Variants in GREB1 observed in about 807,000 individuals in gnomAD.
The protein encoded by GREB1 is protein GREB1.
Under a neutral mutation model 200.7 loss-of-function variants are expected in GREB1, and 106 were observed. The observed-to-expected ratio is 0.53, with a 90% CI of 0.45 to 0.62. The LOEUF is 0.62. Among genes scored for constraint, GREB1 ranks in the 20% least tolerant of loss-of-function variants. GREB1 has a pLI of 0.00. For missense variants in GREB1, 2,243 were observed against 2,556.8 expected, an observed-to-expected ratio of 0.88 and a Z score of 2.65; for synonymous variants, 1,132 against 1,092.4, an observed-to-expected ratio of 1.04 and a Z score of -0.72.
At chr2:11,537,304 T>C (rs1401892869) in intron 1 of GREB1, among the ~76,000 whole-genome samples, 3 of 152,168 alleles carry the variant, frequency 2.0e-5, no homozygotes, top group Non-Finnish European at 2.9e-5. Flanking sequence ...AATTTATTTA[T>C]TCACAGGTGG....
chr2:11,613,145 C>A (rs1364352193), intron 19 of GREB1, among the ~76,000 whole-genome samples: 1 of 152,196 alleles, frequency 6.6e-6, no homozygotes, highest in Non-Finnish European at 1.5e-5. Context: ...CCCTCTGAAT[C>A]CATCACAGCC....
At chr2:11,615,476 C>G (rs1181942072) in intron 20 of GREB1, among the ~76,000 whole-genome samples, 186 bp downstream of exon 20, 1 of 152,230 alleles carries the variant, frequency 6.6e-6, no homozygotes, top group Non-Finnish European at 1.5e-5. Flanking sequence ...AGAGCTCTCA[C>G]TGAATTCAGA....
rs369267814 is a variant in GREB1, at chr2:11,526,556, CTT to C, written c.-158-29886_-158-29885del. ...TCTCTGGGGGCAAAAACTTTAAATC[CTT>C]TTTTTTTTTTTTTTAGAGAGAGAGT... On this transcript the variant is annotated intron_variant, in intron 1 of 2. Transcript: ENST00000628795. Among the ~76,000 whole-genome samples, 519 of 138,122 alleles carry C rather than the reference CTT, an allele frequency of 3.8e-3. 7 individuals carry two copies. Among genetic ancestry groups the C allele is most frequent in the African/African-American group, 0.012 (448 of 37,872 alleles). The allele number at this position is 138,122 out of a possible 152,430, so 90.6% of individuals were successfully genotyped here.
At position 11,612,675 on chromosome 2, in the gene GREB1, G is replaced by A; in HGVS notation, c.3122+65G>A. 2 of 1,004,116 alleles carry A rather than the reference G, an allele frequency of 2.0e-6. 1 individual carries two copies. Among genetic ancestry groups the A allele is most frequent in the South Asian group, 2.6e-5 (2 of 76,844 alleles). The allele number at this position is 1,004,116 out of a possible 1,614,324, so 62.2% of individuals were successfully genotyped here. ...CTGGCTGCCTGGGCCCCCTCAAGGA[G>A]CATGTCAGGGGGGCTGCTGTGCCCT... On this transcript the variant is annotated intron_variant, in intron 19 of 32. Coordinates refer to ENST00000381486, the MANE Select transcript of GREB1 (RefSeq NM_014668.4).
chr2:11,594,294 G>A (rs1448488308), intron 11 of GREB1, among the ~76,000 whole-genome samples: 2 of 152,126 alleles, frequency 1.3e-5, no homozygotes. Flanking sequence ...ACAGGCATGA[G>A]CCACTGTGCC....
chr2:11,505,088 T>C (rs6713415), intron 1 of GREB1, among the ~76,000 whole-genome samples: 149,239 of 152,158 alleles, frequency 0.98, 73,222 homozygotes, highest in South Asian at 1. Flanking sequence ...CATGCAACCA[T>C]GCCCAGCTAA....
chr2:11,631,862 C>CA (rs1558665501), intron 26 of GREB1, 47 bp from the exon 27 acceptor site: 1 of 1,373,982 alleles, frequency 7.3e-7, no homozygotes, highest in Non-Finnish European at 1.0e-6. Flanking sequence ...GGAATAATTG[C>CA]AGCCACATTT....
At chr2:11,545,035 G>C (rs923505952) in intron 1 of GREB1, among the ~76,000 whole-genome samples, 1 of 151,856 alleles carries the variant, frequency 6.6e-6, no homozygotes, top group East Asian at 1.9e-4. Flanking sequence ...GGCTGGTCTC[G>C]AACTCCTGAC....
At chr2:11,569,477 C>T (rs1356254457) in intron 4 of GREB1, among the ~76,000 whole-genome samples, 1 of 152,140 alleles carries the variant, frequency 6.6e-6, no homozygotes, top group Non-Finnish European at 1.5e-5. Context: ...CACCGGCTCC[C>T]AGTGAGGATG....
intron 1 of GREB1, among the ~76,000 whole-genome samples, chr2:11,541,725 T>G (rs1419882740): frequency 6.6e-6 from 1 of 152,162 alleles, no homozygotes; most frequent in Non-Finnish European, 1.5e-5. Context: ...ACTCCTTTGG[T>G]GGCTTGACGT....
In GREB1 at chr2:11,493,266, A is replaced by C. The variant is rs1362008492; in HGVS notation, c.-159+10885A>C. On this transcript the variant is annotated intron_variant, in intron 1 of 2. Coordinates refer to the GREB1 transcript ENST00000628795. The surrounding 1 kb of genome is among the most constrained non-coding windows in gnomAD (Gnocchi z 4.6). The stretch of plus-strand genomic sequence containing the variant: ...CCCAGCAGCCCCCAACCTTTTTGGC[A>C]CCAGGGTCCAGTTTCATGGAAGACA... Among the ~76,000 whole-genome samples the C allele has an allele frequency of 6.6e-6, 1 of 152,166 alleles. No individual in the cohort carries two copies. The highest frequency in any genetic ancestry group is 1.5e-5 in the Non-Finnish European group (1 of 68,018).
intron 1 of GREB1, among the ~76,000 whole-genome samples, chr2:11,500,880 C>T (rs978468316): frequency 3.3e-5 from 5 of 152,124 alleles, no homozygotes; most frequent in South Asian, 2.1e-4. Flanking sequence ...GCAGAAGAAA[C>T]GAAACAGAAA....
Position 11,618,877 on chromosome 2 carries a change from C to A in GREB1, c.4002C>A (p.Asp1334Glu), listed in dbSNP as rs759162087. 6.4e-7 allele frequency: 1 copy of A among 1,567,488 alleles called. No individual in the cohort carries two copies. Among genetic ancestry groups the A allele is most frequent in the Non-Finnish European group, 8.6e-7 (1 of 1,161,934 alleles). The part of the protein sequence containing the change: ...DYGNRAEGRV[D>E]GFHPRRLLLS... ...GCAACCGGGCCGAGGGCCGCGTGGA[C>A]GGCTTCCACCCCCGCAGGCTGCTGC... Residue 1334 changes from aspartate to glutamate, a missense_variant, in exon 22 of 33, where the codon GAC becomes GAA. This residue lies in a region of GREB1 where 587 missense variants were observed against 553.1 expected (regional missense o/e 1.06). Transcript: ENST00000381486.
chr2:11,634,607 C>A (rs1040333292), intron 29 of GREB1, among the ~76,000 whole-genome samples: 2 of 152,194 alleles, frequency 1.3e-5, no homozygotes, highest in Non-Finnish European at 2.9e-5. Flanking sequence ...TTCATTCTCC[C>A]AATACATTGC....
At chr2:11,582,327 A>G (rs1034303534) in intron 7 of GREB1, among the ~76,000 whole-genome samples, 105 of 152,294 alleles carry the variant, frequency 6.9e-4, no homozygotes, top group African/African-American at 2.4e-3. Flanking sequence ...CAAATTGCCT[A>G]GGGGAACACG....
intron 2 of GREB1, among the ~76,000 whole-genome samples, chr2:11,557,090 A>G (rs373052934): frequency 1.3e-5 from 2 of 152,236 alleles, no homozygotes; most frequent in South Asian, 2.1e-4. Flanking sequence ...GAATTTTAAC[A>G]TGCTTTTGAC....
chr2:11,492,887 G>A lies in GREB1; in HGVS notation c.-159+10506G>A, dbSNP rs963262489. ...GAAAATGGCTCCTTATCTGCTGGGG[G>A]CTGGTCACAGCTGGAGCAGAGACCA... is the stretch of plus-strand genomic sequence containing the variant. On this transcript the variant is annotated intron_variant, in intron 1 of 2. Coordinates refer to the GREB1 transcript ENST00000628795. The surrounding 1 kb of genome is among the most constrained non-coding windows in gnomAD (Gnocchi z 4.0). Among the ~76,000 whole-genome samples, 2 of 152,180 alleles carry A rather than the reference G, an allele frequency of 1.3e-5. No homozygotes were observed. Among genetic ancestry groups the A allele is most frequent in the African/African-American group, 4.8e-5 (2 of 41,446 alleles).
At chr2:11,573,370 A>G (rs1327812647) in intron 4 of GREB1, among the ~76,000 whole-genome samples, 3 of 152,200 alleles carry the variant, frequency 2.0e-5, no homozygotes. Flanking sequence ...TGAAGGAAGA[A>G]TTTCGATTCT....
chr2:11,592,598 G>T (rs1275083728), intron 10 of GREB1, among the ~76,000 whole-genome samples, 178 bp from the exon 11 acceptor site: 2 of 152,146 alleles, frequency 1.3e-5, no homozygotes, highest in Non-Finnish European at 2.9e-5. Context: ...AAATAGCGTG[G>T]CTCTGTTAGG....
Sources: gnomAD v4.1 joint callset for allele counts (sites outside exome capture counted in the v4.1 genomes callset) on GRCh38, gnomAD v4.1.1 for gene constraint, gnomAD v4.1.1 regional missense constraint, Gnocchi (gnomAD v3.1) non-coding constraint, MANE v1.5 for transcripts, NCBI Gene and HGNC (gene_info 2026-07-23, HGNC 2026-07-21) for gene names.